WARS2: variants seen among roughly 807,000 people sequenced by gnomAD.
WARS2 encodes the protein tryptophanyl tRNA synthetase 2, mitochondrial.
Under a neutral mutation model 36.5 loss-of-function variants are expected in WARS2, and 28 were observed. The ratio of observed to expected loss-of-function variants is 0.77; its 90% CI spans 0.57 to 1.05. The LOEUF (loss-of-function observed/expected upper bound fraction) is 1.05. Among genes scored for constraint, WARS2 ranks in the 50% least tolerant of loss-of-function variants. The probability of loss-of-function intolerance (pLI) is 0.00; values close to 1 mark genes in which losing one functional copy is unlikely to be tolerated. For synonymous variants in WARS2, 174 were observed against 178.4 expected (o/e 0.98, Z 0.20); for missense variants, 435 against 456.8 (o/e 0.95, Z 0.44).
At chr1:119,070,410 C>T (rs934064881) in intron 2 of WARS2, among the ~76,000 whole-genome samples, 7 of 151,916 alleles carry the variant, frequency 4.6e-5, no homozygotes, top group African/African-American at 7.2e-5. Context: ...GGACCACAGG[C>T]GTGCGACACC....
chr1:119,109,420 G>A (rs587594470), intron 1 of WARS2, among the ~76,000 whole-genome samples: 1 of 151,974 alleles, frequency 6.6e-6, no homozygotes, highest in East Asian at 1.9e-4. Flanking sequence ...TTAGAGAATT[G>A]ACCTCTTTAT....
chr1:119,040,910 T>C (rs1648293875), intron 4 of WARS2, among the ~76,000 whole-genome samples: 1 of 152,170 alleles, frequency 6.6e-6, no homozygotes, highest in South Asian at 2.1e-4. Context: ...AATATTGTTC[T>C]AGCCTTTTAA....
chr1:119,033,839 T>A lies in WARS2; in HGVS notation c.634+256A>T, dbSNP rs190722738. ...ATATACTACTTTATAAATATTATTT[T>A]AAATTTTTGGTCTCTTCCATACTTT... On this transcript the variant is annotated intron_variant, in intron 5 of 5. Transcript: ENST00000235521. 7.8e-3 allele frequency among the ~76,000 whole-genome samples: 1,189 copies of A among 152,350 alleles called. 14 individuals carry two copies. The highest frequency in any genetic ancestry group is 0.027 in the African/African-American group (1,130 of 41,576).
intron 1 of WARS2, among the ~76,000 whole-genome samples, chr1:119,117,641 T>C (rs1234057622): frequency 6.6e-6 from 1 of 152,122 alleles, no homozygotes; most frequent in Non-Finnish European, 1.5e-5. Context: ...TGAAGAAAAC[T>C]GGTGCACTAA....
At chr1:119,085,709 G>A (rs1331260055) in intron 1 of WARS2, 1 of 1,520,926 alleles carries the variant, frequency 6.6e-7, no homozygotes. Flanking sequence ...CTTCATAGCA[G>A]AGGAAACAGA....
At chr1:119,091,664 C>T (rs1227638098) in intron 1 of WARS2, among the ~76,000 whole-genome samples, 5 of 152,174 alleles carry the variant, frequency 3.3e-5, no homozygotes, top group Non-Finnish European at 5.9e-5. Flanking sequence ...CATACCAGGG[C>T]AGGTGACAAG....
chr1:119,103,450 GCC>G (rs1330923899), intron 1 of WARS2, among the ~76,000 whole-genome samples: 1 of 152,088 alleles, frequency 6.6e-6, no homozygotes, highest in African/African-American at 2.4e-5. Flanking sequence ...GGAATATCAG[GCC>G]CATACCTAGT....
chr1:119,041,553 T>C (rs1648369948), intron 4 of WARS2, among the ~76,000 whole-genome samples: 1 of 152,218 alleles, frequency 6.6e-6, no homozygotes, highest in African/African-American at 2.4e-5. Flanking sequence ...ATACAGTGGT[T>C]ATTTAAATTT....
chr1:119,055,548 AC>A, intron 2 of WARS2, among the ~76,000 whole-genome samples: 1 of 152,200 alleles, frequency 6.6e-6, no homozygotes, highest in Non-Finnish European at 1.5e-5. Context: ...AGGCTGAGGC[AC>A]AAGATTCACT....
At chr1:119,076,904 C>G (rs587650313) in intron 1 of WARS2, among the ~76,000 whole-genome samples, 141 of 152,060 alleles carry the variant, frequency 9.3e-4, no homozygotes, top group Non-Finnish European at 1.6e-3. Context: ...CTTTGGGAGG[C>G]TGAAGAGGGT....
Position 119,033,064 on chromosome 1 carries a change from C to T in WARS2, c.930G>A (p.Val310=), listed in dbSNP as rs139467678. 2.0e-3 allele frequency: 3,264 copies of T among 1,614,256 alleles called. 101 individuals are homozygous for T. The Admixed American group carries it at 0.047, about 23-fold the overall frequency. Residue 310 remains valine (V), a synonymous_variant, in exon 6 of 6, where the codon GTG becomes GTA. Coordinates refer to ENST00000235521, the MANE Select transcript of WARS2 (RefSeq NM_015836.4). ...ARYKLAVADA[V]IEKFAPIKRE... ...GCTTAATTGGGGCAAACTTCTCAAT[C>T]ACAGCATCTGCCACGGCCAGCTTGT...
chr1:119,049,910 T>C lies in WARS2; in HGVS notation c.349-4248A>G, dbSNP rs566213899. Among the ~76,000 whole-genome samples, 15 of 152,344 alleles carry C rather than the reference T, an allele frequency of 9.8e-5. No individual in the cohort carries two copies. The South Asian group carries it at 2.7e-3, about 27-fold the overall frequency. On this transcript the variant is annotated intron_variant, in intron 2 of 5. Transcript: ENST00000235521. The stretch of plus-strand genomic sequence containing the variant: ...GTGATAACTTCCCAACTGGTCTCCC[T>C]GCTTCCACTCTAGCTCCCTACAGTC...
chr1:119,119,161 T>C (rs999799466), intron 1 of WARS2, among the ~76,000 whole-genome samples: 3 of 152,106 alleles, frequency 2.0e-5, no homozygotes, highest in African/African-American at 7.2e-5. Context: ...ACCAACCAAG[T>C]ATCTAGTGTC....
intron 2 of WARS2, among the ~76,000 whole-genome samples, chr1:119,054,376 A>G (rs1214070045): frequency 6.7e-6 from 1 of 150,324 alleles, no homozygotes; most frequent in African/African-American, 2.4e-5. Flanking sequence ...GATGGCTGCC[A>G]TATATATATA....
At chr1:119,076,297 C>A in intron 2 of WARS2, 53 bp downstream of exon 2, 1 of 1,582,438 alleles carries the variant, frequency 6.3e-7, no homozygotes, top group Admixed American at 1.8e-5. Flanking sequence ...AACATTTTTT[C>A]CTCAAATAAT....
chr1:119,088,087 T>G (rs756294899), intron 1 of WARS2, among the ~76,000 whole-genome samples: 17 of 152,208 alleles, frequency 1.1e-4, no homozygotes, highest in Non-Finnish European at 1.9e-4. Flanking sequence ...ATGCTAAAGT[T>G]TGAGCGAGGT....
intron 3 of WARS2, among the ~76,000 whole-genome samples, chr1:119,043,701 GA>G (rs1648561027): frequency 2.0e-5 from 3 of 152,192 alleles, no homozygotes; most frequent in Non-Finnish European, 2.9e-5. Context: ...AATTGAAGAA[GA>G]ACCCAATTTT....
At chr1:119,090,285 C>G (rs1236616880) in intron 1 of WARS2, among the ~76,000 whole-genome samples, 1 of 152,124 alleles carries the variant, frequency 6.6e-6, no homozygotes, top group African/African-American at 2.4e-5. Flanking sequence ...AGGTGAGGAG[C>G]CCAAATCTAG....
Position 119,032,959 on chromosome 1 carries a change from T to C in WARS2, c.1035A>G (p.Leu345=). 6.2e-7 allele frequency: 1 copy of C among 1,614,280 alleles called. No homozygotes were observed. Among genetic ancestry groups the C allele is most frequent in the Non-Finnish European group, 8.5e-7 (1 of 1,180,054 alleles). Residue 345 remains leucine (L), a synonymous_variant, in exon 6 of 6, where the codon TTA becomes TTG. Transcript: ENST00000235521. ...LQIGSAKAKE[L]AYTVCQEVKK... ...TCACCTCCTGGCACACAGTGTATGC[T>C]AATTCTTTGGCTTTTGCTGATCCAA...
Sources: gnomAD v4.1 joint callset for allele counts (sites outside exome capture counted in the v4.1 genomes callset) on GRCh38, gnomAD v4.1.1 for gene constraint, MANE v1.5 for transcripts, NCBI Gene and HGNC (gene_info 2026-07-23, HGNC 2026-07-21) for gene names.